TRMT9B: variants seen among roughly 807,000 people sequenced by gnomAD.
The protein encoded by TRMT9B is probable tRNA methyltransferase 9B.
In TRMT9B, 16 loss-of-function variants were observed where a neutral mutation model predicts 11.5. The ratio of observed to expected loss-of-function variants is 1.39; its 90% CI spans 0.94 to 2.11. The LOEUF is 2.11. TRMT9B is among the 30% of genes most tolerant of loss of function. The probability of loss-of-function intolerance (pLI) is 0.00; values close to 1 mark genes in which losing one functional copy is unlikely to be tolerated. For synonymous variants in TRMT9B, 274 were observed against 192.4 expected (o/e 1.42, Z -3.51); for missense variants, 941 against 553.8 (o/e 1.70, Z -7.02).
intron 1 of TRMT9B, among the ~76,000 whole-genome samples, chr8:12,981,474 A>C (rs1805377781): frequency 2.0e-5 from 3 of 152,246 alleles, no homozygotes; most frequent in Non-Finnish European, 2.9e-5. Flanking sequence ...GGTGACTTTT[A>C]GGACTTGAGT....
chr8:12,973,910 A>C (rs943037186), intron 1 of TRMT9B, among the ~76,000 whole-genome samples: 1 of 152,154 alleles, frequency 6.6e-6, no homozygotes, highest in African/African-American at 2.4e-5. Context: ...CTGTAATCCT[A>C]GTACTTTGGG....
chr8:12,990,922 C>T lies in TRMT9B; in HGVS notation c.-111C>T, dbSNP rs762027140. 108 of 1,289,152 alleles carry T rather than the reference C, an allele frequency of 8.4e-5. No individual in the cohort carries two copies. In the East Asian group the frequency reaches 1.3e-3, roughly 16 times the overall value. 79.9% of individuals were successfully genotyped at this position (1,289,152 alleles called of 1,614,324 possible). A position where few individuals can be genotyped will look rare whatever the true frequency, so the allele number is the denominator to read the frequency against. ...TTTCACTCCTACAAGTTTTCATTTACGTTACACATTGAGAAAGTTATGAGA... is the reference window on the plus strand; with the variant it reads ...TTTCACTCCTACAAGTTTTCATTTATGTTACACATTGAGAAAGTTATGAGA... On this transcript the variant is annotated 5_prime_UTR_variant, in exon 2 of 5. The change creates a new upstream start codon in the 5' untranslated region. Coordinates refer to ENST00000524591, the MANE Select transcript of TRMT9B (RefSeq NM_020844.3).
chr8:12,948,992 G>A (rs1382568590), intron 1 of TRMT9B, among the ~76,000 whole-genome samples: 3 of 151,968 alleles, frequency 2.0e-5, no homozygotes, highest in Admixed American at 6.6e-5. Context: ...AGAAAAACAC[G>A]TGTTCAACGT....
At chr8:12,983,716 C>A (rs1377697901) in intron 1 of TRMT9B, among the ~76,000 whole-genome samples, 1 of 152,120 alleles carries the variant, frequency 6.6e-6, no homozygotes, top group Non-Finnish European at 1.5e-5. Context: ...GTCTCCTCAT[C>A]CCTAGAGGCC....
In TRMT9B at chr8:13,021,485, G is replaced by A; in HGVS notation, c.806G>A (p.Arg269Lys). Residue 269 changes from arginine (R) to lysine (K), a missense_variant, in exon 5 of 5, where the codon AGA becomes AAA. By Grantham distance (26) the Arg-to-Lys change is conservative. Transcript: ENST00000524591. ...STLRKQIERV[R>K]PLKNTEVWAS... ...CTGAGGAAGCAAATTGAAAGAGTAA[G>A]ACCCTTGAAAAACACAGAAGTTTGG... 1 of 1,613,856 alleles carries A rather than the reference G, an allele frequency of 6.2e-7. No individual in the cohort carries two copies. The highest frequency in any genetic ancestry group is 8.5e-7 in the Non-Finnish European group (1 of 1,179,794).
At chr8:13,006,549 G>C (rs989057769) in intron 3 of TRMT9B, 193 bp downstream of exon 3, 5 of 1,428,310 alleles carry the variant, frequency 3.5e-6, no homozygotes, top group South Asian at 1.6e-5. Context: ...TTTCATTTTT[G>C]TTCTAATAGG....
rs138127464 is a variant in TRMT9B at position 12,986,386 on chromosome 8, A to T, written c.-199-4448A>T. On this transcript the variant is annotated intron_variant, in intron 1 of 4. Transcript: ENST00000524591. ...TTGAACATTGTAAAAATACCAAAAA[A>T]GATGCAGAGATCATAAGACATATTG... 2.0e-4 allele frequency among the ~76,000 whole-genome samples: 31 copies of T among 152,310 alleles called. No individual in the cohort carries two copies. In the East Asian group the frequency reaches 6.0e-3, roughly 29 times the overall value.
chr8:12,975,892 T>C (rs1367637852), intron 1 of TRMT9B, among the ~76,000 whole-genome samples: 1 of 152,176 alleles, frequency 6.6e-6, no homozygotes, highest in Non-Finnish European at 1.5e-5. Flanking sequence ...CGTATGGTCA[T>C]TGTCCATAAA....
chr8:12,986,293 C>T (rs1386477224), intron 1 of TRMT9B, among the ~76,000 whole-genome samples: 1 of 152,092 alleles, frequency 6.6e-6, no homozygotes, highest in Non-Finnish European at 1.5e-5. Flanking sequence ...GATGGTGAAC[C>T]ACTGTACTGT....
At chr8:12,999,946 G>T (rs949053751) in intron 2 of TRMT9B, among the ~76,000 whole-genome samples, 2 of 152,088 alleles carry the variant, frequency 1.3e-5, no homozygotes, top group African/African-American at 2.4e-5. Context: ...GAAAAAAGGG[G>T]GAACTTATAT....
At position 12,988,184 on chromosome 8, in the gene TRMT9B, G is replaced by A. The variant is rs140923069; in HGVS notation, c.-199-2650G>A. Among the ~76,000 whole-genome samples the A allele has an allele frequency of 3.6e-4, 55 of 152,014 alleles. 1 individual carries two copies. The South Asian group carries it at 8.1e-3, about 22-fold the overall frequency. ...GACCCCACTCATCTTTTGAACTTCC[G>A]TTTAGGTGTCAGCCCCTTGAGGGAG... On this transcript the variant is annotated intron_variant, in intron 1 of 4. Coordinates refer to ENST00000524591, the MANE Select transcript of TRMT9B (RefSeq NM_020844.3).
At chr8:12,979,586 G>A (rs1241674010) in intron 1 of TRMT9B, among the ~76,000 whole-genome samples, 1 of 152,146 alleles carries the variant, frequency 6.6e-6, no homozygotes, top group Non-Finnish European at 1.5e-5. Flanking sequence ...ATTCTCCAGT[G>A]AGAACGATGT....
rs552770351 is a variant in TRMT9B, at chr8:12,971,190, A to G, written c.-199-19644A>G. On this transcript the variant is annotated intron_variant, in intron 1 of 4. Coordinates refer to ENST00000524591, the MANE Select transcript of TRMT9B (RefSeq NM_020844.3). ...TTGTTAACTGTCGTTTCCCTGCTGT[A>G]TTATCAAATACTGGTATTTATTTAT... Among the ~76,000 whole-genome samples the G allele has an allele frequency of 5.3e-5, 8 of 152,232 alleles. No homozygotes were observed. The South Asian group carries it at 1.7e-3, about 32-fold the overall frequency.
chr8:12,969,255 CA>C (rs1411012261), intron 1 of TRMT9B, among the ~76,000 whole-genome samples: 27 of 152,280 alleles, frequency 1.8e-4, no homozygotes, highest in Admixed American at 1.3e-3. Context: ...ACCGTCTCTT[CA>C]TTACACAGGT....
At chr8:13,019,295 T>C (rs1034848191) in intron 4 of TRMT9B, among the ~76,000 whole-genome samples, 1 of 152,166 alleles carries the variant, frequency 6.6e-6, no homozygotes. Flanking sequence ...TGTGTATATA[T>C]AGATACATAT....
At chr8:13,008,709 CAT>C (rs1414172660) in intron 3 of TRMT9B, among the ~76,000 whole-genome samples, 20 of 152,130 alleles carry the variant, frequency 1.3e-4, no homozygotes, top group African/African-American at 4.8e-4. Flanking sequence ...ATCTGCAACA[CAT>C]GTCATAGAAA....
In TRMT9B at chr8:13,022,360, A is replaced by C. The variant is rs1180367691; in HGVS notation, c.*316A>C. The stretch of plus-strand genomic sequence containing the variant: ...ATAAAATACATGTATAGTGTTTTTC[A>C]GTATTACACATTGATTTAAAAAGAT... On this transcript the variant is annotated 3_prime_UTR_variant, in exon 5 of 5. Transcript: ENST00000524591. 4.4e-6 allele frequency: 1 copy of C among 226,252 alleles called. No individual in the cohort carries two copies. The highest frequency in any genetic ancestry group is 9.2e-6 in the Non-Finnish European group (1 of 108,344). 14.0% of individuals were successfully genotyped at this position (226,252 alleles called of 1,614,324 possible). A position where few individuals can be genotyped will look rare whatever the true frequency, so the allele number is the denominator to read the frequency against.
At chr8:13,004,777 A>G (rs1563406690) in intron 2 of TRMT9B, among the ~76,000 whole-genome samples, 1 of 152,074 alleles carries the variant, frequency 6.6e-6, no homozygotes, top group African/African-American at 2.4e-5. Flanking sequence ...CCTGCTTAAG[A>G]AAAGTGGAGG....
chr8:12,995,492 G>A (rs960445366), intron 2 of TRMT9B, among the ~76,000 whole-genome samples: 1 of 151,846 alleles, frequency 6.6e-6, no homozygotes, highest in Non-Finnish European at 1.5e-5. Flanking sequence ...GGCTTTCTTT[G>A]CACTAACATA....
Sources: allele counts gnomAD v4.1 joint callset (sites outside exome capture counted in the v4.1 genomes callset), GRCh38; gene constraint gnomAD v4.1.1; transcripts MANE v1.5; gene names NCBI Gene and HGNC (gene_info 2026-07-23, HGNC 2026-07-21).